The following KAZN variants were observed in gnomAD, a reference collection of about 807,000 sequenced individuals.
KAZN encodes kazrin.
In KAZN, 40 loss-of-function variants were observed where a neutral mutation model predicts 87.4. That is an observed-to-expected ratio of 0.46 (90% CI 0.36 to 0.60). The LOEUF (loss-of-function observed/expected upper bound fraction) is 0.60, where lower values mean the gene tolerates loss of function less well. Ranked by LOEUF, KAZN falls within the 20% of genes least tolerant of loss-of-function variation. The pLI, the probability that KAZN is intolerant of heterozygous loss-of-function variation, is 0.00. For synonymous variants in KAZN, 466 were observed against 458.3 expected (o/e 1.02, Z -0.22); for missense variants, 898 against 1,073.9 (o/e 0.84, Z 2.29).
At chr1:14,977,221 T>C (rs550196500) in intron 2 of KAZN, among the ~76,000 whole-genome samples, 151 of 152,318 alleles carry the variant, frequency 9.9e-4, no homozygotes, top group African/African-American at 3.4e-3. Flanking sequence ...TCTGTCTCTG[T>C]CCTTCAGCCA....
At chr1:13,939,757 G>A (rs1335574721) in intron 1 of KAZN, among the ~76,000 whole-genome samples, 2 of 152,180 alleles carry the variant, frequency 1.3e-5, no homozygotes, top group African/African-American at 2.4e-5. Context: ...GGCTATATAA[G>A]CATGGTGTTG....
At chr1:14,752,331 G>T (rs918633868) in intron 1 of KAZN, among the ~76,000 whole-genome samples, 1 of 152,154 alleles carries the variant, frequency 6.6e-6, no homozygotes, top group Non-Finnish European at 1.5e-5. Context: ...ATCTAATGCC[G>T]TTCTCTCCTT....
intron 1 of KAZN, among the ~76,000 whole-genome samples, chr1:14,783,631 G>C (rs758622665): frequency 6.6e-6 from 1 of 152,172 alleles, no homozygotes; most frequent in Non-Finnish European, 1.5e-5. Context: ...CACTGCTGTC[G>C]ATCTTAGCCA....
At chr1:14,788,408 A>G (rs1645574496) in intron 1 of KAZN, among the ~76,000 whole-genome samples, 3 of 152,202 alleles carry the variant, frequency 2.0e-5, no homozygotes, top group Admixed American at 2.0e-4. Context: ...GTGATTAACC[A>G]CAAATACTAA....
chr1:14,683,698 CCAAGGAGATCCTCAGG>C, intron 1 of KAZN, among the ~76,000 whole-genome samples: 1 of 152,180 alleles, frequency 6.6e-6, no homozygotes, highest in African/African-American at 2.4e-5. Flanking sequence ...CTATCTGGTA[CCAAGGAGATCCTCAGG>C]AAAGGTTCCC....
chr1:14,725,142 A>G (rs1183787467), intron 1 of KAZN, among the ~76,000 whole-genome samples: 3 of 152,218 alleles, frequency 2.0e-5, no homozygotes, highest in Non-Finnish European at 4.4e-5. Flanking sequence ...TTACATAGCT[A>G]TAACTAACTA....
At chr1:14,665,301 T>C (rs1639460091) in intron 1 of KAZN, among the ~76,000 whole-genome samples, 2 of 151,508 alleles carry the variant, frequency 1.3e-5, no homozygotes, top group African/African-American at 4.8e-5. Context: ...CTTTTTTTTT[T>C]TATTACTGCT....
At chr1:14,722,150 C>CAA (rs757534235) in intron 1 of KAZN, among the ~76,000 whole-genome samples, 2 of 101,932 alleles carry the variant, frequency 2.0e-5, no homozygotes, top group Non-Finnish European at 4.5e-5. Flanking sequence ...GACTCTGTCT[C>CAA]AAAAAAAAAA....
At chr1:13,928,988 T>C (rs2100927396) in intron 1 of KAZN, among the ~76,000 whole-genome samples, 1 of 149,812 alleles carries the variant, frequency 6.7e-6, no homozygotes, top group African/African-American at 2.5e-5. Context: ...CTTTGTAAAA[T>C]AGATTTGAGA....
intron 1 of KAZN, among the ~76,000 whole-genome samples, chr1:14,758,666 G>A (rs913601663): frequency 6.6e-6 from 1 of 152,170 alleles, no homozygotes; most frequent in African/African-American, 2.4e-5. Flanking sequence ...TAGCTGATGT[G>A]AAGCAGGCAG....
chr1:14,914,986 T>C (rs1657647147), intron 1 of KAZN, among the ~76,000 whole-genome samples: 1 of 151,750 alleles, frequency 6.6e-6, no homozygotes, highest in African/African-American at 2.4e-5. Context: ...AGGTCAGGAG[T>C]TCGAGACCAG....
At chr1:14,509,361 C>G (rs544347584) in intron 2 of KAZN, among the ~76,000 whole-genome samples, 1 of 152,298 alleles carries the variant, frequency 6.6e-6, no homozygotes, top group African/African-American at 2.4e-5. Context: ...AGCTGGGATT[C>G]ACACCTAGAT....
chr1:14,404,170 C>A (rs1164877686), intron 2 of KAZN, among the ~76,000 whole-genome samples: 1 of 152,116 alleles, frequency 6.6e-6, no homozygotes, highest in Non-Finnish European at 1.5e-5. Context: ...GGTTATCTAC[C>A]TAGTTGACGC....
chr1:14,573,386 T>C (rs530877020), intron 2 of KAZN, among the ~76,000 whole-genome samples: 44 of 152,322 alleles, frequency 2.9e-4, no homozygotes, highest in African/African-American at 1.0e-3. Context: ...CGGTGGCTTA[T>C]GCTTGTAATC....
At chr1:14,993,153 G>A (rs1323865795) in intron 2 of KAZN, among the ~76,000 whole-genome samples, 1 of 144,532 alleles carries the variant, frequency 6.9e-6, no homozygotes, top group East Asian at 2.1e-4. Flanking sequence ...CCCAGCAAAG[G>A]TTACATAAGC....
intron 2 of KAZN, among the ~76,000 whole-genome samples, chr1:14,338,295 G>A (rs376462402): frequency 7.0e-6 from 1 of 143,868 alleles, no homozygotes; most frequent in Non-Finnish European, 1.5e-5. Context: ...CCAACATGGC[G>A]AAACCCCATC....
intron 1 of KAZN, among the ~76,000 whole-genome samples, chr1:14,910,060 A>T (rs199654462): frequency 2.0e-5 from 1 of 49,444 alleles, no homozygotes; most frequent in Non-Finnish European, 6.5e-5. Context: ...CAATAAATAA[A>T]TAATGAATGA....
intron 2 of KAZN, among the ~76,000 whole-genome samples, chr1:15,005,703 G>A (rs564108155): frequency 3.8e-4 from 57 of 151,974 alleles, no homozygotes; most frequent in South Asian, 8.3e-4. Context: ...CAGGAAGATC[G>A]CTTGAACCTG....
chr1:14,004,835 T>C (rs903317939), intron 1 of KAZN, among the ~76,000 whole-genome samples: 1 of 152,080 alleles, frequency 6.6e-6, no homozygotes, highest in African/African-American at 2.4e-5. Context: ...AGGAATGGAT[T>C]AATGGGTTAA....
Sources: allele counts gnomAD v4.1 joint callset (sites outside exome capture counted in the v4.1 genomes callset), GRCh38; gene constraint gnomAD v4.1.1; transcripts MANE v1.5; gene names NCBI Gene and HGNC (gene_info 2026-07-23, HGNC 2026-07-21).